MCC: variants seen among roughly 807,000 people sequenced by gnomAD.
The protein encoded by MCC is MCC regulator of Wnt signaling pathway, also known as colorectal mutant cancer protein.
Under a neutral mutation model 116.2 loss-of-function variants are expected in MCC, and 90 were observed. The ratio of observed to expected loss-of-function variants is 0.77; its 90% CI spans 0.65 to 0.92. The LOEUF (loss-of-function observed/expected upper bound fraction) is 0.92, where lower values mean the gene tolerates loss of function less well. MCC is among the 40% of genes least tolerant of loss of function. MCC has a pLI of 0.00. For synonymous variants in MCC, 578 were observed against 510.5 expected, an observed-to-expected ratio of 1.13 and a Z score of -1.78; for missense variants, 1,516 against 1,312.2, an observed-to-expected ratio of 1.16 and a Z score of -2.40.
At chr5:113,208,384 G>T (rs574181783) in intron 3 of MCC, among the ~76,000 whole-genome samples, 44 of 152,282 alleles carry the variant, frequency 2.9e-4, no homozygotes, top group African/African-American at 9.4e-4. Context: ...AACTACTGCA[G>T]AAGAAAACCA....
chr5:113,311,747 T>C (rs958450085), intron 3 of MCC, among the ~76,000 whole-genome samples: 6 of 138,576 alleles, frequency 4.3e-5, no homozygotes, highest in Non-Finnish European at 7.8e-5. Flanking sequence ...CTGAGGCGGG[T>C]GGATCACTGA....
At chr5:113,451,300 T>A (rs1771385982) in intron 1 of MCC, among the ~76,000 whole-genome samples, 1 of 152,192 alleles carries the variant, frequency 6.6e-6, no homozygotes, top group Admixed American at 6.5e-5. Context: ...TAGGAAGAGA[T>A]GAAGAAAGAA....
chr5:113,212,118 T>TG (rs1347033459), intron 3 of MCC, among the ~76,000 whole-genome samples: 4 of 152,218 alleles, frequency 2.6e-5, no homozygotes, highest in Admixed American at 2.6e-4. Flanking sequence ...AACTAATGGC[T>TG]GTTTGATAAC....
At chr5:113,411,309 T>G (rs1416520634) in intron 1 of MCC, among the ~76,000 whole-genome samples, 1 of 152,214 alleles carries the variant, frequency 6.6e-6, no homozygotes, top group African/African-American at 2.4e-5. Context: ...CTAACTGGTG[T>G]GAGATGGTAT....
chr5:113,238,276 T>G (rs886647577), intron 3 of MCC, among the ~76,000 whole-genome samples: 11 of 147,892 alleles, frequency 7.4e-5, no homozygotes, highest in Non-Finnish European at 1.3e-4. Flanking sequence ...TTTTTTCCTG[T>G]TTTTTTTAAT....
At chr5:113,368,622 GTT>G (rs372519921) in intron 2 of MCC, among the ~76,000 whole-genome samples, 1 of 146,108 alleles carries the variant, frequency 6.8e-6, no homozygotes, top group East Asian at 2.0e-4. Context: ...GAGAAAAAGT[GTT>G]TTTTTTTTTC....
intron 3 of MCC, among the ~76,000 whole-genome samples, chr5:113,287,532 G>C (rs192738671): frequency 6.6e-5 from 10 of 152,136 alleles, no homozygotes; most frequent in Non-Finnish European, 4.4e-5. Context: ...TCACCATCTT[G>C]GCCAGGCTGG....
intron 3 of MCC, among the ~76,000 whole-genome samples, chr5:113,167,826 T>C (rs1760856862): frequency 1.3e-5 from 2 of 152,072 alleles, no homozygotes; most frequent in South Asian, 4.2e-4. Flanking sequence ...GTTAAGGTCT[T>C]GTTATGTTGC....
At chr5:113,476,500 G>T (rs1056878601) in intron 1 of MCC, among the ~76,000 whole-genome samples, 2 of 152,192 alleles carry the variant, frequency 1.3e-5, no homozygotes, top group Non-Finnish European at 2.9e-5. Flanking sequence ...TCAAAAGAAT[G>T]AAGCTGGATC....
chr5:113,383,918 C>T (rs1486107209), intron 2 of MCC, among the ~76,000 whole-genome samples: 1 of 152,140 alleles, frequency 6.6e-6, no homozygotes, highest in Non-Finnish European at 1.5e-5. Context: ...GGACAACCAA[C>T]ATGACCCTTT....
chr5:113,317,824 T>C (rs575160406), intron 3 of MCC, among the ~76,000 whole-genome samples: 2 of 152,326 alleles, frequency 1.3e-5, no homozygotes, highest in East Asian at 3.9e-4. Flanking sequence ...GTTGGCTACT[T>C]CAGAACACCC....
At chr5:113,386,891 A>T (rs1351382072) in intron 1 of MCC, among the ~76,000 whole-genome samples, 1 of 152,090 alleles carries the variant, frequency 6.6e-6, no homozygotes, top group African/African-American at 2.4e-5. Flanking sequence ...AGGTTAAATT[A>T]TTAATATTAG....
At chr5:113,257,647 CT>C (rs1765068719) in intron 3 of MCC, among the ~76,000 whole-genome samples, 1 of 152,074 alleles carries the variant, frequency 6.6e-6, no homozygotes, top group South Asian at 2.1e-4. Context: ...AATAAATAAG[CT>C]ACGGATAAGA....
At chr5:113,396,474 T>TATA (rs1769526683) in intron 1 of MCC, among the ~76,000 whole-genome samples, 1 of 88,668 alleles carries the variant, frequency 1.1e-5, no homozygotes, top group African/African-American at 6.0e-5. Context: ...CTACTAACAA[T>TATA]ACAAAAAAAA....
intron 1 of MCC, among the ~76,000 whole-genome samples, chr5:113,485,151 G>C (rs1478518908): frequency 2.0e-5 from 3 of 152,106 alleles, no homozygotes; most frequent in African/African-American, 7.2e-5. Flanking sequence ...AGAGAATATT[G>C]AAAGCACAAA....
chr5:113,358,409 C>G (rs1768465404), intron 2 of MCC, among the ~76,000 whole-genome samples: 1 of 152,108 alleles, frequency 6.6e-6, no homozygotes, highest in African/African-American at 2.4e-5. Flanking sequence ...CTCTGGCCAC[C>G]CCTCTGTTTT....
At chr5:113,056,494 G>A (rs1580943649) in intron 14 of MCC, among the ~76,000 whole-genome samples, 1 of 152,312 alleles carries the variant, frequency 6.6e-6, no homozygotes, top group East Asian at 1.9e-4. Context: ...AATACCACAT[G>A]TTCTTACTTA....
At chr5:113,317,996 T>C (rs1208730335) in intron 3 of MCC, among the ~76,000 whole-genome samples, 1 of 152,066 alleles carries the variant, frequency 6.6e-6, no homozygotes, top group Non-Finnish European at 1.5e-5. Flanking sequence ...ATGAATCATA[T>C]AAGAAGGAAA....
rs187887298 is a variant in MCC, at chr5:113,030,790, G to A, written c.2757-1734C>T. Among the ~76,000 whole-genome samples, 6 of 152,346 alleles carry A rather than the reference G, an allele frequency of 3.9e-5. No homozygotes were observed. The East Asian group carries it at 1.2e-3, about 29-fold the overall frequency. ...TTTTGTAAAAACTGAAAAGCTGAGT[G>A]TGAATATCTGACACTGTAATAAGAC... On this transcript the variant is annotated intron_variant, in intron 17 of 18. Transcript: ENST00000408903.
Sources: allele counts gnomAD v4.1 joint callset (sites outside exome capture counted in the v4.1 genomes callset), GRCh38; gene constraint gnomAD v4.1.1; transcripts MANE v1.5; gene names NCBI Gene and HGNC (gene_info 2026-07-23, HGNC 2026-07-21).